The following UNC13C variants were observed in gnomAD, a reference collection of about 807,000 sequenced individuals.
UNC13C encodes the protein protein unc-13 homolog C.
In UNC13C, 174 loss-of-function variants were observed where a neutral mutation model predicts 245.4. The ratio of observed to expected loss-of-function variants is 0.71; its 90% CI spans 0.63 to 0.80. The LOEUF is 0.80. Among genes scored for constraint, UNC13C ranks in the 30% least tolerant of loss-of-function variants. The probability of loss-of-function intolerance (pLI) is 0.00; values close to 1 mark genes in which losing one functional copy is unlikely to be tolerated. For synonymous variants in UNC13C, 992 were observed against 895.1 expected (o/e 1.11, Z -1.93); for missense variants, 2,829 against 2,602.9 (o/e 1.09, Z -1.89).
chr15:54,628,910 G>A (rs900668213), downstream of UNC13C: 21 of 151,682 alleles, frequency 1.4e-4, no homozygotes, highest in African/African-American at 4.1e-4. Context: ...ATTACCATTC[G>A]ACTAAGCAAT....
chr15:54,405,635 T>A (rs1356182926), intron 18 of UNC13C, among the ~76,000 whole-genome samples: 1 of 152,178 alleles, frequency 6.6e-6, no homozygotes, highest in Admixed American at 6.5e-5. Flanking sequence ...TGTGGCCCCT[T>A]AAAAATTAGA....
At chr15:54,533,405 A>T (rs1895848739) in intron 26 of UNC13C, among the ~76,000 whole-genome samples, 1 of 152,202 alleles carries the variant, frequency 6.6e-6, no homozygotes, top group South Asian at 2.1e-4. Context: ...GACATAGAGA[A>T]AGACTGAGCT....
chr15:53,929,267 A>C, the UNC13C span, among the ~76,000 whole-genome samples: 1 of 152,152 alleles, frequency 6.6e-6, no homozygotes, highest in Admixed American at 6.5e-5. Context: ...CCCATGATTC[A>C]ATTACCTCCC....
chr15:53,889,264 T>G, the UNC13C span, among the ~76,000 whole-genome samples: 3 of 152,112 alleles, frequency 2.0e-5, no homozygotes, highest in African/African-American at 7.2e-5. Flanking sequence ...AGAGGTCCTT[T>G]GCATCCCTTG....
At chr15:54,300,420 TAAAG>T (rs757121323) in intron 13 of UNC13C, 47 bp downstream of exon 13, 123 of 1,490,902 alleles carry the variant, frequency 8.3e-5, no homozygotes, top group African/African-American at 3.4e-4. Flanking sequence ...TATTAAAATA[TAAAG>T]AAAGAAAGGA....
At chr15:54,268,919 T>G (rs1316937575) in intron 10 of UNC13C, among the ~76,000 whole-genome samples, 1 of 152,102 alleles carries the variant, frequency 6.6e-6, no homozygotes, top group Non-Finnish European at 1.5e-5. Context: ...ATCTTCCTTC[T>G]GTTCAGCTCT....
At chr15:53,962,408 C>G in the UNC13C span, among the ~76,000 whole-genome samples, 1 of 151,998 alleles carries the variant, frequency 6.6e-6, no homozygotes, top group Non-Finnish European at 1.5e-5. Flanking sequence ...GATATTCACT[C>G]TCATTATACG....
At chr15:54,162,435 A>G (rs1217260059) in intron 4 of UNC13C, among the ~76,000 whole-genome samples, 1 of 152,218 alleles carries the variant, frequency 6.6e-6, no homozygotes, top group Admixed American at 6.5e-5. Context: ...GACAGAGAAC[A>G]TATGAAATAT....
chr15:54,416,987 C>G (rs561235885), intron 19 of UNC13C: 1 of 456,578 alleles, frequency 2.2e-6, no homozygotes, highest in Non-Finnish European at 4.4e-6. Context: ...GGCTCAGCTA[C>G]TGACACCTCC....
chr15:54,353,189 C>G (rs1298478847), intron 17 of UNC13C, among the ~76,000 whole-genome samples: 2 of 152,128 alleles, frequency 1.3e-5, no homozygotes, highest in Non-Finnish European at 2.9e-5. Flanking sequence ...TCATGGGACT[C>G]TAGCCAGAGA....
chr15:54,265,077 G>T (rs1322296824), intron 9 of UNC13C, among the ~76,000 whole-genome samples: 2 of 151,888 alleles, frequency 1.3e-5, no homozygotes, highest in Non-Finnish European at 2.9e-5. Flanking sequence ...CTCTGTACAT[G>T]TATGCAGTAA....
Position 54,237,705 on chromosome 15 carries a change from T to A in UNC13C, c.3228+15T>A. 1 of 1,582,478 alleles carries A rather than the reference T, an allele frequency of 6.3e-7. No individual in the cohort carries two copies. ...ATGAGGAACTGGTAAGTACTAGATA[T>A]TGCTCATAATATCTAACTAGATATT... On this transcript the variant is annotated intron_variant, in intron 7 of 32. Transcript: ENST00000260323.
rs1381219780 is a variant in UNC13C, at chr15:54,053,567, T to A, written c.2983+37681T>A. Among the ~76,000 whole-genome samples the A allele has an allele frequency of 3.9e-5, 6 of 152,190 alleles. No individual in the cohort carries two copies. In the East Asian group the frequency reaches 1.2e-3, roughly 29 times the overall value. On this transcript the variant is annotated intron_variant, in intron 2 of 32. Transcript: ENST00000260323. ...GGCATATTTTGATACAGACATACGA[T>A]GTGTAACAATTGCATCAGGGTGAAT...
rs117980481 is a variant in UNC13C, at chr15:54,534,402, G to A, written c.5696+1336G>A. Among the ~76,000 whole-genome samples the A allele has an allele frequency of 3.3e-3, 505 of 152,184 alleles. 1 individual carries two copies. The highest frequency in any genetic ancestry group is 5.2e-3 in the Non-Finnish European group (357 of 68,008). On this transcript the variant is annotated intron_variant, in intron 26 of 32. Transcript: ENST00000260323. ...CAGTCAAATCCTCAAAGCCTCAAAG[G>A]CATGAAAGAATATAAAAGCAAAAAA...
In UNC13C at chr15:54,541,711, A is replaced by C. The variant is rs1346450169; in HGVS notation, c.5697-5011A>C. ...ATGGGTATACTAGTAAATGAGAAAT[A>C]TATACAGAAGAAGTTTCTAAAGAAT... On this transcript the variant is annotated intron_variant, in intron 26 of 32. Transcript: ENST00000260323. 2.0e-5 allele frequency among the ~76,000 whole-genome samples: 3 copies of C among 152,152 alleles called. No individual in the cohort carries two copies. In the East Asian group the frequency reaches 5.8e-4, roughly 29 times the overall value.
At chr15:54,016,029 T>C in intron 2 of UNC13C, 143 bp downstream of exon 2, 1 of 723,760 alleles carries the variant, frequency 1.4e-6, no homozygotes, top group East Asian at 2.7e-5. Context: ...AGCATTTTGT[T>C]TTACTCAGGC....
At chr15:54,315,246 G>A (rs1159512005) in intron 13 of UNC13C, among the ~76,000 whole-genome samples, 1 of 151,562 alleles carries the variant, frequency 6.6e-6, no homozygotes, top group East Asian at 2.0e-4. Flanking sequence ...GTCATCCCCT[G>A]GTACCTCTTC....
At chr15:54,303,625 CTT>C (rs55751740) in intron 13 of UNC13C, among the ~76,000 whole-genome samples, 5,843 of 142,424 alleles carry the variant, frequency 0.041, 167 homozygotes, top group Non-Finnish European at 0.056. Flanking sequence ...AAGTATTTTT[CTT>C]TTTTTTTTTT....
chr15:54,134,932 T>A lies in UNC13C; in HGVS notation c.2984-8086T>A, dbSNP rs117243973. On this transcript the variant is annotated intron_variant, in intron 2 of 32. Transcript: ENST00000260323. ...ATGGCTGTACCAATTTATGTTTCTG[T>A]CATCAATGTACAAGAGTTCCTTTTT... 4.9e-3 allele frequency among the ~76,000 whole-genome samples: 745 copies of A among 152,318 alleles called. 3 individuals carry two copies. Among genetic ancestry groups the A allele is most frequent in the Non-Finnish European group, 7.4e-3 (500 of 68,026 alleles).
Sources: gnomAD v4.1 joint callset for allele counts (sites outside exome capture counted in the v4.1 genomes callset) on GRCh38, gnomAD v4.1.1 for gene constraint, MANE v1.5 for transcripts, NCBI Gene and HGNC (gene_info 2026-07-23, HGNC 2026-07-21) for gene names.